Variants in DST observed in about 807,000 individuals in gnomAD.
DST encodes dystonin, also known as bullous pemphigoid antigen.
Under a neutral mutation model 875.2 loss-of-function variants are expected in DST, and 253 were observed. That is an observed-to-expected ratio of 0.29 (90% CI 0.26 to 0.32). The LOEUF is 0.32. DST is among the 10% of genes least tolerant of loss of function. The probability of loss-of-function intolerance (pLI) is 1.00; values close to 1 mark genes in which losing one functional copy is unlikely to be tolerated. For synonymous variants in DST, 3,124 were observed against 3,197.1 expected, an observed-to-expected ratio of 0.98 and a Z score of 0.77; for missense variants, 8,287 against 9,111.6, an observed-to-expected ratio of 0.91 and a Z score of 3.68.
At chr6:56,806,085 G>A (rs1001992767) in intron 4 of DST, among the ~76,000 whole-genome samples, 8 of 152,174 alleles carry the variant, frequency 5.3e-5, no homozygotes, top group African/African-American at 1.9e-4. Flanking sequence ...TCATAAGACT[G>A]AGAATAACAG....
At chr6:56,480,108 A>C (rs1015028536) in intron 90 of DST, among the ~76,000 whole-genome samples, 4 of 152,164 alleles carry the variant, frequency 2.6e-5, no homozygotes, top group Admixed American at 6.5e-5. Flanking sequence ...GGTTCAAAAG[A>C]GTTGTGATTT....
At chr6:56,744,982 T>C (rs1387137295) in intron 4 of DST, among the ~76,000 whole-genome samples, 1 of 152,200 alleles carries the variant, frequency 6.6e-6, no homozygotes, top group Non-Finnish European at 1.5e-5. Context: ...AATCCAACTT[T>C]CATCCACTCA....
intron 5 of DST, among the ~76,000 whole-genome samples, chr6:56,727,893 G>T (rs1030691210): frequency 6.6e-5 from 10 of 152,182 alleles, no homozygotes; most frequent in Non-Finnish European, 1.5e-4. Context: ...TCTCAGCTCT[G>T]CCAACATTTT....
At position 56,916,753 on chromosome 6, in the gene DST, A is replaced by ATCTCTC. The variant is rs70989741; in HGVS notation, c.217-16138_217-16133dup. Among the ~76,000 whole-genome samples, 334 of 95,376 alleles carry ATCTCTC rather than the reference A, an allele frequency of 3.5e-3. 4 individuals carry two copies. Among genetic ancestry groups the ATCTCTC allele is most frequent in the Middle Eastern group, 0.016 (3 of 192 alleles). 62.6% of individuals were successfully genotyped at this position (95,376 alleles called of 152,430 possible). A position where few individuals can be genotyped will look rare whatever the true frequency, so the allele number is the denominator to read the frequency against. ...GAGACAAGATCTTCTCTCTCTCTCT[A>ATCTCTC]TCTCTCTCTCTCTCTCTCTCTCTCT... On this transcript the variant is annotated intron_variant, in intron 2 of 103. Coordinates refer to ENST00000680361, the MANE Select transcript of DST (RefSeq NM_001374736.1).
At chr6:56,888,733 T>A (rs539363199) in intron 3 of DST, among the ~76,000 whole-genome samples, 1 of 152,180 alleles carries the variant, frequency 6.6e-6, no homozygotes, top group South Asian at 2.1e-4. Context: ...ATTTAATTAT[T>A]ACAAATTAAA....
intron 4 of DST, among the ~76,000 whole-genome samples, chr6:56,746,632 A>G (rs1453706827): frequency 2.6e-5 from 4 of 152,158 alleles, no homozygotes; most frequent in Admixed American, 2.0e-4. Context: ...AGTAGAAGAG[A>G]GTGGAAGCTA....
Position 56,594,047 on chromosome 6 carries a change from A to T in DST, c.12342T>A (p.His4114Gln). 1.2e-6 allele frequency: 2 copies of T among 1,613,684 alleles called. No individual in the cohort carries two copies. Among genetic ancestry groups the T allele is most frequent in the South Asian group, 2.2e-5 (2 of 91,004 alleles). Residue 4114 changes from histidine (H) to glutamine (Q), a missense_variant, in exon 48 of 104, where the codon CAT becomes CAA. This residue lies in a region of DST where 1,513 missense variants were observed against 1,677.8 expected (regional missense o/e 0.90). Coordinates refer to ENST00000680361, the MANE Select transcript of DST (RefSeq NM_001374736.1). ...LQKNMKELKV[H>Q]YETALAESEK... Reference sequence around the variant, plus strand: ...CTGACTCAGCCAGTGCAGTTTCATAATGCACTTTCAGTTCCTTCATGTTCT... The same window carrying T: ...CTGACTCAGCCAGTGCAGTTTCATATTGCACTTTCAGTTCCTTCATGTTCT...
At chr6:56,501,760 T>C (rs879418085) in intron 78 of DST, 67 bp from the exon 79 acceptor site, 95 of 1,203,568 alleles carry the variant, frequency 7.9e-5, no homozygotes, top group Non-Finnish European at 9.9e-5. Context: ...AAGAAATCTA[T>C]TGGTTATATC....
intron 87 of DST, among the ~76,000 whole-genome samples, chr6:56,485,681 A>G (rs1372481263): frequency 6.6e-6 from 1 of 152,234 alleles, no homozygotes; most frequent in Admixed American, 6.5e-5. Flanking sequence ...CATCTGTTCC[A>G]GGAAAATTCC....
At chr6:56,591,908 G>A (rs2098279800) in intron 49 of DST, among the ~76,000 whole-genome samples, 1 of 149,026 alleles carries the variant, frequency 6.7e-6, no homozygotes, top group Non-Finnish European at 1.5e-5. Context: ...CTTGAACCCA[G>A]GAGGCGGCAG....
chr6:56,947,839 A>C (rs1363189571), intron 2 of DST, among the ~76,000 whole-genome samples: 1 of 151,252 alleles, frequency 6.6e-6, no homozygotes, highest in Non-Finnish European at 1.5e-5. Flanking sequence ...CTCTGAATCT[A>C]CTCAGGTACA....
chr6:56,925,706 T>C (rs542990033), intron 2 of DST, among the ~76,000 whole-genome samples: 1 of 152,352 alleles, frequency 6.6e-6, no homozygotes, highest in South Asian at 2.1e-4. Context: ...GTTCTCTTTA[T>C]ATTTATCCTT....
At chr6:56,647,631 C>G (rs2098950883) in intron 13 of DST, among the ~76,000 whole-genome samples, 1 of 151,568 alleles carries the variant, frequency 6.6e-6, no homozygotes, top group South Asian at 2.1e-4. Context: ...ACCAAATATA[C>G]AAATGAGACA....
intron 61 of DST, among the ~76,000 whole-genome samples, chr6:56,543,636 A>G (rs1436619128): frequency 6.6e-6 from 1 of 152,246 alleles, no homozygotes; most frequent in Non-Finnish European, 1.5e-5. Flanking sequence ...ACAAAATAAG[A>G]AACATCGTCA....
intron 4 of DST, among the ~76,000 whole-genome samples, chr6:56,796,189 G>A (rs1057381364): frequency 3.9e-5 from 6 of 152,178 alleles, no homozygotes; most frequent in South Asian, 4.1e-4. Context: ...AGAAAATAAC[G>A]TTAACAACTG....
rs567349112 is a variant in DST at position 56,607,248 on chromosome 6, A to G, written c.7380T>C (p.Asn2460=). Residue 2460 remains asparagine, a synonymous_variant, in exon 40 of 104, where the codon AAT becomes AAC. Coordinates refer to ENST00000680361, the MANE Select transcript of DST (RefSeq NM_001374736.1). The stretch of plus-strand genomic sequence containing the variant: ...AGGCTGGGGCTTCACACTTATTTCC[A>G]TTGCTCTCTGGGGTGTGTGTATCAT... ...SFNDTHTPES[N]GNKCEAPALS... is the part of the protein sequence containing the mutation. 3.1e-6 allele frequency: 5 copies of G among 1,613,132 alleles called. No individual in the cohort carries two copies. In the African/African-American group the frequency reaches 6.7e-5, roughly 22 times the overall value.
chr6:56,560,794 A>G (rs982456777), intron 57 of DST, among the ~76,000 whole-genome samples: 4 of 152,202 alleles, frequency 2.6e-5, no homozygotes, highest in Admixed American at 1.3e-4. Flanking sequence ...GAGAATCTAC[A>G]TGTGAATAAA....
intron 3 of DST, among the ~76,000 whole-genome samples, chr6:56,873,447 G>T (rs990735734): frequency 6.6e-6 from 1 of 152,132 alleles, no homozygotes; most frequent in African/African-American, 2.4e-5. Flanking sequence ...AGCAAGATAT[G>T]AAATCAACCT....
At chr6:56,785,245 C>G (rs200965500) in intron 4 of DST, among the ~76,000 whole-genome samples, 5 of 152,248 alleles carry the variant, frequency 3.3e-5, no homozygotes, top group African/African-American at 1.2e-4. Context: ...CTCCTCAAAG[C>G]TGTCAGACAG....
Sources: allele counts gnomAD v4.1 joint callset (sites outside exome capture counted in the v4.1 genomes callset), GRCh38; gene constraint gnomAD v4.1.1; regional missense constraint gnomAD v4.1.1; transcripts MANE v1.5; gene names NCBI Gene and HGNC (gene_info 2026-07-23, HGNC 2026-07-21).